Variants in SPAG16 observed in about 807,000 individuals in gnomAD.
The protein encoded by SPAG16 is sperm-associated antigen 16 protein.
In SPAG16, 86 loss-of-function variants were observed where a neutral mutation model predicts 80.4. The ratio of observed to expected loss-of-function variants is 1.07; its 90% CI spans 0.90 to 1.28. The LOEUF is 1.28. SPAG16 is among the 50% of genes most tolerant of loss of function. The pLI, the probability that SPAG16 is intolerant of heterozygous loss-of-function variation, is 0.00. For synonymous variants in SPAG16, 294 were observed against 265.9 expected (o/e 1.11, Z -1.03); for missense variants, 870 against 765.3 (o/e 1.14, Z -1.61).
Position 213,933,325 on chromosome 2 carries a change from C to T in SPAG16, c.1400+3180C>T, listed in dbSNP as rs372527598. On this transcript the variant is annotated intron_variant, in intron 12 of 15. Coordinates refer to ENST00000331683, the MANE Select transcript of SPAG16 (RefSeq NM_024532.5). ...ATCTAAGACAATTCTCATACTCAAC[C>T]ATTGCCTTCAATGAGATTACAAGTA... Among the ~76,000 whole-genome samples, 94 of 152,286 alleles carry T rather than the reference C, an allele frequency of 6.2e-4. 1 individual carries two copies. The South Asian group carries it at 0.017, about 28-fold the overall frequency.
chr2:213,841,245 A>G lies in SPAG16; in HGVS notation c.1071-21240A>G, dbSNP rs145689329. ...AGCATGAGAGTAGTGGGTTGGTGCA[A>G]TGAACACATAGAAAGACTTAAGTTG... On this transcript the variant is annotated intron_variant, in intron 10 of 15. Transcript: ENST00000331683. Among the ~76,000 whole-genome samples the G allele has an allele frequency of 5.1e-3, 784 of 152,312 alleles. 9 individuals are homozygous for G. Among genetic ancestry groups the G allele is most frequent in the African/African-American group, 0.018 (739 of 41,582 alleles).
At chr2:213,580,045 T>G (rs1245819821) in intron 10 of SPAG16, among the ~76,000 whole-genome samples, 2 of 152,076 alleles carry the variant, frequency 1.3e-5, no homozygotes, top group African/African-American at 4.8e-5. Context: ...CACTCTCACC[T>G]TCCCCCCAAC....
At chr2:214,041,976 G>GTGTATA (rs2049040462) in intron 13 of SPAG16, among the ~76,000 whole-genome samples, 1 of 88,276 alleles carries the variant, frequency 1.1e-5, no homozygotes, top group African/African-American at 5.4e-5. Flanking sequence ...GTGTCTGTGT[G>GTGTATA]TGTATATATA....
In SPAG16 at chr2:213,786,185, G is replaced by A. The variant is rs1270820835; in HGVS notation, c.1071-76300G>A. Among the ~76,000 whole-genome samples, 5 of 152,198 alleles carry A rather than the reference G, an allele frequency of 3.3e-5. No homozygotes were observed. The South Asian group carries it at 6.2e-4, about 19-fold the overall frequency. On this transcript the variant is annotated intron_variant, in intron 10 of 15. Coordinates refer to ENST00000331683, the MANE Select transcript of SPAG16 (RefSeq NM_024532.5). Reference sequence around the variant, plus strand: ...CTCCTCATTCTCTATGCTACTTAGTGATTTTAATTTTTCTCAAGGAAACTT... The same window carrying A: ...CTCCTCATTCTCTATGCTACTTAGTAATTTTAATTTTTCTCAAGGAAACTT...
intron 13 of SPAG16, among the ~76,000 whole-genome samples, chr2:214,095,132 A>G (rs1014594123): frequency 6.6e-6 from 1 of 152,084 alleles, no homozygotes; most frequent in African/African-American, 2.4e-5. Flanking sequence ...ACTTTGTAAA[A>G]TAACCATATT....
At chr2:213,434,396 G>A (rs958498946) in intron 9 of SPAG16, among the ~76,000 whole-genome samples, 1 of 152,140 alleles carries the variant, frequency 6.6e-6, no homozygotes, top group African/African-American at 2.4e-5. Context: ...AATACTTCTG[G>A]ACATTGATTT....
intron 13 of SPAG16, among the ~76,000 whole-genome samples, chr2:214,025,719 G>A (rs2125025543): frequency 6.6e-6 from 1 of 151,390 alleles, no homozygotes; most frequent in South Asian, 2.1e-4. Context: ...ATTTAAATTG[G>A]ATAACCATTG....
chr2:213,492,494 G>A (rs1231225092), intron 10 of SPAG16, among the ~76,000 whole-genome samples: 1 of 151,966 alleles, frequency 6.6e-6, no homozygotes, highest in Non-Finnish European at 1.5e-5. Flanking sequence ...AGCTTGCAGT[G>A]AGCCAAGATC....
chr2:214,365,453 C>T (rs1181776650), intron 15 of SPAG16, among the ~76,000 whole-genome samples: 1 of 152,026 alleles, frequency 6.6e-6, no homozygotes, highest in Non-Finnish European at 1.5e-5. Flanking sequence ...GCATAAAGTA[C>T]CACTACCAGT....
chr2:213,879,132 G>A (rs1470308310), intron 11 of SPAG16, among the ~76,000 whole-genome samples: 1 of 92,190 alleles, frequency 1.1e-5, no homozygotes, highest in Non-Finnish European at 2.9e-5. Context: ...GTCTATTTGA[G>A]CTCTTTTTTT....
At chr2:214,282,990 C>A (rs191530657) in intron 15 of SPAG16, among the ~76,000 whole-genome samples, 1 of 152,006 alleles carries the variant, frequency 6.6e-6, no homozygotes, top group Non-Finnish European at 1.5e-5. Flanking sequence ...ACAGGAGCCT[C>A]CACCTAACTC....
chr2:214,376,220 T>G (rs1325871272), intron 15 of SPAG16, among the ~76,000 whole-genome samples: 2 of 152,164 alleles, frequency 1.3e-5, no homozygotes, highest in Non-Finnish European at 2.9e-5. Context: ...TAAGGTGAAT[T>G]AAATGTATTT....
At position 214,010,316 on chromosome 2, in the gene SPAG16, G is replaced by A. The variant is rs1477877035; in HGVS notation, c.1401-3635G>A. Among the ~76,000 whole-genome samples the A allele has an allele frequency of 8.2e-5, 12 of 145,924 alleles. 2 individuals carry two copies. The highest frequency in any genetic ancestry group is 5.9e-4 in the East Asian group (3 of 5,066). ...AAGAATTGTAGAGAAAATATTAAACGTAAAGGCAAATTAGACAAAAAAGGA... is the reference window on the plus strand; with the variant it reads ...AAGAATTGTAGAGAAAATATTAAACATAAAGGCAAATTAGACAAAAAAGGA... On this transcript the variant is annotated intron_variant, in intron 12 of 15. Coordinates refer to ENST00000331683, the MANE Select transcript of SPAG16 (RefSeq NM_024532.5).
At chr2:214,139,075 T>C (rs1432563025) in intron 14 of SPAG16, among the ~76,000 whole-genome samples, 1 of 152,194 alleles carries the variant, frequency 6.6e-6, no homozygotes, top group Admixed American at 6.5e-5. Flanking sequence ...AGGTGTTTAA[T>C]CATTCTTTCT....
intron 9 of SPAG16, among the ~76,000 whole-genome samples, chr2:213,388,644 C>T (rs2067577135): frequency 1.3e-5 from 2 of 152,120 alleles, no homozygotes; most frequent in African/African-American, 4.8e-5. Context: ...AATCTGATTT[C>T]CAGACTCCAA....
Position 213,450,758 on chromosome 2 carries a change from A to G in SPAG16, c.943-39205A>G, listed in dbSNP as rs151290004. Among the ~76,000 whole-genome samples the G allele has an allele frequency of 2.7e-3, 404 of 152,328 alleles. 3 individuals carry two copies. The highest frequency in any genetic ancestry group is 9.5e-3 in the African/African-American group (393 of 41,586). ...TGTTCACATTAAATACAATTTATGT[A>G]TGTTTTAATCAATATTCACCTGCAT... is the stretch of plus-strand genomic sequence containing the variant. On this transcript the variant is annotated intron_variant, in intron 9 of 15. Coordinates refer to ENST00000331683, the MANE Select transcript of SPAG16 (RefSeq NM_024532.5).
At chr2:214,236,478 C>T (rs773015896) in intron 15 of SPAG16, among the ~76,000 whole-genome samples, 2 of 151,964 alleles carry the variant, frequency 1.3e-5, no homozygotes, top group African/African-American at 4.8e-5. Flanking sequence ...ATAGCGAAAC[C>T]TCATCTCTAC....
intron 7 of SPAG16, among the ~76,000 whole-genome samples, chr2:213,352,883 C>T (rs1361080828): frequency 6.6e-6 from 1 of 152,070 alleles, no homozygotes; most frequent in Admixed American, 6.6e-5. Context: ...AAAGACTATC[C>T]CAATCTTTGT....
At chr2:213,315,195 C>T (rs1157816190) in intron 4 of SPAG16, among the ~76,000 whole-genome samples, 1 of 151,748 alleles carries the variant, frequency 6.6e-6, no homozygotes, top group Non-Finnish European at 1.5e-5. Flanking sequence ...TTGCCATACA[C>T]AGGGATTAAA....
Sources: gnomAD v4.1 joint callset for allele counts (sites outside exome capture counted in the v4.1 genomes callset) on GRCh38, gnomAD v4.1.1 for gene constraint, MANE v1.5 for transcripts, NCBI Gene and HGNC (gene_info 2026-07-23, HGNC 2026-07-21) for gene names.